The following PTPN13 variants were observed in gnomAD, a reference collection of about 807,000 sequenced individuals.
PTPN13 encodes tyrosine-protein phosphatase non-receptor type 13.
PTPN13 carries 191 observed loss-of-function variants against 284.0 expected under a neutral mutation model. That is an observed-to-expected ratio of 0.67 (90% CI 0.60 to 0.76). The LOEUF (loss-of-function observed/expected upper bound fraction) is 0.76, where lower values mean the gene tolerates loss of function less well. Ranked by LOEUF, PTPN13 falls within the 30% of genes least tolerant of loss-of-function variation. PTPN13 has a pLI of 0.00. For missense variants in PTPN13, 2,797 were observed against 2,939.9 expected (o/e 0.95, Z 1.12); for synonymous variants, 986 against 1,022.3 (o/e 0.96, Z 0.68).
At chr4:86,651,429 C>CCCTCCCTT (rs555807736) in intron 2 of PTPN13, among the ~76,000 whole-genome samples, 2 of 151,678 alleles carry the variant, frequency 1.3e-5, no homozygotes, top group Non-Finnish European at 2.9e-5. Context: ...GTCCTTCCCT[C>CCCTCCCTT]CCTTCCTTCC....
chr4:86,758,995 G>A lies in PTPN13; in HGVS notation c.3475G>A (p.Ala1159Thr). The A allele has an allele frequency of 1.9e-6, 3 of 1,613,714 alleles. No individual in the cohort carries two copies. Among genetic ancestry groups the A allele is most frequent in the Non-Finnish European group, 2.5e-6 (3 of 1,179,698 alleles). The change falls in exon 23 of 48, where the codon GCT becomes ACT. Residue 1159 changes from alanine to threonine, a missense_variant. Ala to Thr is a moderately conservative substitution (Grantham distance 58). Transcript: ENST00000411767. ...SVSLEGVSHH[A>T]AIEILQNAPE... ...GAGTCTGGAGGGAGTCAGCCACCAT[G>A]CTGCAATTGAAATTTTGCAAAATGC...
At position 86,701,321 on chromosome 4, in the gene PTPN13, A is replaced by G. The variant is rs746371705; in HGVS notation, c.715A>G (p.Lys239Glu). The change falls in exon 7 of 48, where the codon AAA becomes GAA. Residue 239 changes from lysine to glutamate, a missense_variant. Transcript: ENST00000411767. ...HQTFLNKGLS[K>E]SMGFLSIKDT... ...GACCTTTCTTAACAAAGGGCTTAGT[A>G]AATCTATGGGATTTCTGTCCATCAA... The G allele has an allele frequency of 1.2e-6, 2 of 1,612,718 alleles. No individual in the cohort carries two copies. Among genetic ancestry groups the G allele is most frequent in the Non-Finnish European group, 1.7e-6 (2 of 1,179,044 alleles).
intron 3 of PTPN13, 137 bp downstream of exon 3, chr4:86,672,680 T>C: frequency 5.9e-6 from 4 of 677,176 alleles, no homozygotes; most frequent in Admixed American, 3.6e-5. Context: ...AGTTCAGTTA[T>C]TTTATTTAAG....
chr4:86,621,427 T>C (rs1721230183), intron 1 of PTPN13, among the ~76,000 whole-genome samples: 1 of 152,168 alleles, frequency 6.6e-6, no homozygotes, highest in African/African-American at 2.4e-5. Context: ...TTTAGTGAAA[T>C]ATGTGTCCAC....
intron 40 of PTPN13, among the ~76,000 whole-genome samples, chr4:86,793,439 G>A (rs1252994535): frequency 6.6e-6 from 1 of 152,136 alleles, no homozygotes; most frequent in Non-Finnish European, 1.5e-5. Context: ...ATATTAGACA[G>A]GTCAACAAGA....
At chr4:86,789,134 C>T (rs961887869) in intron 40 of PTPN13, among the ~76,000 whole-genome samples, 4 of 152,154 alleles carry the variant, frequency 2.6e-5, no homozygotes, top group Admixed American at 1.3e-4. Context: ...GAAAGCTAAA[C>T]CTAAAAAGAT....
intron 2 of PTPN13, among the ~76,000 whole-genome samples, chr4:86,670,297 A>G (rs566848687): frequency 6.8e-6 from 1 of 147,790 alleles, no homozygotes; most frequent in South Asian, 2.2e-4. Flanking sequence ...CAAATTGCCT[A>G]ATTGACATCC....
At chr4:86,615,809 A>G (rs1046282712) in intron 1 of PTPN13, among the ~76,000 whole-genome samples, 1 of 152,176 alleles carries the variant, frequency 6.6e-6, no homozygotes, top group Non-Finnish European at 1.5e-5. Context: ...CTTCTTCCAG[A>G]TGGCAAATGT....
chr4:86,641,104 A>T (rs1016870160), intron 2 of PTPN13, among the ~76,000 whole-genome samples: 2 of 152,104 alleles, frequency 1.3e-5, no homozygotes, highest in Admixed American at 6.6e-5. Flanking sequence ...TCTTTTTTGT[A>T]TATTTGATCA....
chr4:86,745,826 A>T (rs578023550), intron 17 of PTPN13, among the ~76,000 whole-genome samples: 6 of 152,270 alleles, frequency 3.9e-5, no homozygotes, highest in Non-Finnish European at 5.9e-5. Flanking sequence ...AACAGACTTT[A>T]TGACCTATAC....
chr4:86,709,255 A>G (rs1032862540), intron 7 of PTPN13, among the ~76,000 whole-genome samples: 3 of 152,096 alleles, frequency 2.0e-5, no homozygotes, highest in Admixed American at 6.6e-5. Flanking sequence ...ATGTTTCAGG[A>G]ATCTTTCTCT....
At chr4:86,688,177 G>T (rs1425020899) in intron 4 of PTPN13, among the ~76,000 whole-genome samples, 2 of 152,104 alleles carry the variant, frequency 1.3e-5, no homozygotes, top group Non-Finnish European at 2.9e-5. Context: ...CCTAAAGGAT[G>T]ATATATTAAT....
At chr4:86,640,028 G>GAT (rs1723591891) in intron 2 of PTPN13, among the ~76,000 whole-genome samples, 1 of 152,166 alleles carries the variant, frequency 6.6e-6, no homozygotes, top group African/African-American at 2.4e-5. Context: ...GATAACTACT[G>GAT]ATTGAGTACA....
intron 17 of PTPN13, 114 bp from the exon 18 acceptor site, chr4:86,750,356 T>TA: frequency 5.1e-6 from 5 of 975,162 alleles, no homozygotes; most frequent in Non-Finnish European, 7.7e-6. Flanking sequence ...GCTACCTACT[T>TA]ATGCTGGCAA....
chr4:86,599,868 G>T (rs530898522), intron 1 of PTPN13, among the ~76,000 whole-genome samples: 1 of 152,030 alleles, frequency 6.6e-6, no homozygotes, highest in Non-Finnish European at 1.5e-5. Context: ...ACTTATATCA[G>T]TATGCTCTAA....
Position 86,722,265 on chromosome 4 carries a change from TAAAACGGCA to T in PTPN13, c.1441_1449del (p.Lys481_Gln483del), listed in dbSNP as rs776689922. 3 of 1,613,692 alleles carry T rather than the reference TAAAACGGCA, an allele frequency of 1.9e-6. No individual in the cohort carries two copies. Among genetic ancestry groups the T allele is most frequent in the Admixed American group, 3.3e-5 (2 of 59,974 alleles). On this transcript the variant is annotated inframe_deletion, in exon 10 of 48. Coordinates refer to ENST00000411767, the MANE Select transcript of PTPN13 (RefSeq NM_080683.3). ...AACTTAATTAATCAAGAGATCATGC[TAAAACGGCA>T]AGAGGAAGAACTGATGCAGCTACAA...
At chr4:86,735,520 C>A in intron 14 of PTPN13, 74 bp from the exon 15 acceptor site, 1 of 1,526,942 alleles carries the variant, frequency 6.5e-7, no homozygotes, top group Non-Finnish European at 8.8e-7. Context: ...AAAGCAAGAA[C>A]TTTAAGATAG....
chr4:86,789,295 A>C (rs190543065), intron 40 of PTPN13, among the ~76,000 whole-genome samples: 1 of 152,264 alleles, frequency 6.6e-6, no homozygotes. Flanking sequence ...CTTCTTATGT[A>C]GTGTTTTTAA....
intron 6 of PTPN13, among the ~76,000 whole-genome samples, chr4:86,693,886 G>A (rs192088381): frequency 1.8e-4 from 28 of 152,058 alleles, no homozygotes; most frequent in African/African-American, 6.8e-4. Flanking sequence ...ATATACTTAG[G>A]ATTCCCAGAG....
Sources: gnomAD v4.1 joint callset for allele counts (sites outside exome capture counted in the v4.1 genomes callset) on GRCh38, gnomAD v4.1.1 for gene constraint, MANE v1.5 for transcripts, NCBI Gene and HGNC (gene_info 2026-07-23, HGNC 2026-07-21) for gene names.